Variants in ILDR1 observed in about 807,000 individuals in gnomAD.
ILDR1 encodes the protein immunoglobulin like domain containing receptor 1, also known as immunoglobulin-like domain-containing receptor 1.
A neutral mutation model predicts 62.4 loss-of-function variants in ILDR1; 56 were observed. The observed-to-expected ratio is 0.90, with a 90% confidence interval of 0.72 to 1.12. ILDR1 has a LOEUF of 1.12. Ranked by LOEUF, ILDR1 falls within the 50% of genes most tolerant of loss-of-function variation. The pLI, the probability that ILDR1 is intolerant of heterozygous loss-of-function variation, is 0.00. For synonymous variants in ILDR1, 284 were observed against 277.8 expected (o/e 1.02, Z -0.22); for missense variants, 736 against 710.6 (o/e 1.04, Z -0.41).
chr3:122,005,973 A>G lies in ILDR1; in HGVS notation c.230-580T>C, dbSNP rs147949308. ...CAAAACAGAAAATATAGGGTCTGAG[A>G]GCTGTTAAATCTGCCCCTGGCAAAT... is the stretch of plus-strand genomic sequence containing the variant. On this transcript the variant is annotated intron_variant, in intron 2 of 7. Transcript: ENST00000344209. 9.8e-4 allele frequency among the ~76,000 whole-genome samples: 149 copies of G among 152,238 alleles called. 1 individual carries two copies. Among genetic ancestry groups the G allele is most frequent in the African/African-American group, 3.3e-3 (136 of 41,564 alleles).
At chr3:121,990,810 C>T (rs1315290245) in intron 7 of ILDR1, among the ~76,000 whole-genome samples, 1 of 152,144 alleles carries the variant, frequency 6.6e-6, no homozygotes, top group Non-Finnish European at 1.5e-5. Flanking sequence ...AGAATCAAAG[C>T]GCAATTCAAA....
the ILDR1 span, among the ~76,000 whole-genome samples, chr3:122,049,858 G>A: frequency 3.9e-5 from 6 of 152,188 alleles, no homozygotes; most frequent in Non-Finnish European, 8.8e-5. Flanking sequence ...CTTCCACCAT[G>A]TGAGGACACA....
rs971226712 is a variant in ILDR1 at position 122,001,755 on chromosome 3, G to C, written c.489C>G (p.Leu163=). The change falls in exon 4 of 8, where the codon CTC becomes CTG. Residue 163 remains leucine, a synonymous_variant. Coordinates refer to ENST00000344209, the MANE Select transcript of ILDR1 (RefSeq NM_001199799.2). ...TCCAGTAGCACTTACGTAGGACGATGAGCTTTACTTCCTTATCGGGGTCTC... is the reference window on the plus strand; with the variant it reads ...TCCAGTAGCACTTACGTAGGACGATCAGCTTTACTTCCTTATCGGGGTCTC... ...TSGDPDKEVK[L]IVLHWLTVIF... The C allele has an allele frequency of 2.5e-6, 4 of 1,612,800 alleles. No homozygotes were observed. In the African/African-American group the frequency reaches 5.4e-5, roughly 22 times the overall value.
intron 1 of ILDR1, among the ~76,000 whole-genome samples, chr3:122,012,427 T>C (rs957470627): frequency 9.9e-5 from 15 of 152,234 alleles, no homozygotes; most frequent in African/African-American, 2.2e-4. Flanking sequence ...TCAAAAATGT[T>C]AATTCTAGAA....
chr3:121,995,726 C>G (rs908707732), intron 5 of ILDR1, among the ~76,000 whole-genome samples: 4 of 152,216 alleles, frequency 2.6e-5, no homozygotes, highest in African/African-American at 9.6e-5. Flanking sequence ...CTAGCTCCCT[C>G]TTCTGGCCAC....
At chr3:122,039,244 T>C in the ILDR1 span, among the ~76,000 whole-genome samples, 4 of 152,140 alleles carry the variant, frequency 2.6e-5, no homozygotes, top group South Asian at 8.3e-4. Flanking sequence ...ACCACAGGTC[T>C]AAGAAGCCCA....
At chr3:122,005,415 G>C in intron 2 of ILDR1, 22 bp from the exon 3 acceptor site, 2 of 1,614,076 alleles carry the variant, frequency 1.2e-6, no homozygotes, top group Non-Finnish European at 1.7e-6. Flanking sequence ...GGGCACACTA[G>C]AGTCACACAG....
In ILDR1 at chr3:121,987,355, C is replaced by A. The variant is rs781039803; in HGVS notation, c.*1012G>T. ...GCAGATATTTATTTGGAGCAGCATGCTCAGCTTGGCATGTTTTCTTTCTTC... is the reference window on the plus strand; with the variant it reads ...GCAGATATTTATTTGGAGCAGCATGATCAGCTTGGCATGTTTTCTTTCTTC... On this transcript the variant is annotated 3_prime_UTR_variant, in exon 8 of 8. Coordinates refer to ENST00000344209, the MANE Select transcript of ILDR1 (RefSeq NM_001199799.2). 6.6e-6 allele frequency: 1 copy of A among 152,066 alleles called. No homozygotes were observed. Among genetic ancestry groups the A allele is most frequent in the African/African-American group, 2.4e-5 (1 of 41,384 alleles). The allele number at this position is 152,066 out of a possible 1,614,324, so 9.4% of individuals were successfully genotyped here. A position where few individuals can be genotyped will look rare whatever the true frequency, so the allele number is the denominator to read the frequency against.
rs139810461 is a variant in ILDR1, at chr3:121,993,555, C to T, written c.1194G>A (p.Ser398=). The T allele has an allele frequency of 3.9e-5, 63 of 1,614,112 alleles. No individual in the cohort carries two copies. Among genetic ancestry groups the T allele is most frequent in the East Asian group, 1.3e-4 (6 of 44,892 alleles). The part of the protein sequence containing the change: ...WALERRELDP[S]WSGRHRSSRL... ...TAGAGCTACGGTGCCTTCCACTCCA[C>T]GATGGGTCCAACTCCCTTCTTTCCA... The change falls in exon 7 of 8, where the codon TCG becomes TCA. Residue 398 remains serine, a synonymous_variant. Transcript: ENST00000344209.
rs144533401 is a variant in ILDR1, at chr3:121,993,514, G to C, written c.1235C>G (p.Pro412Arg). ...RHRSSRLNGS[P>R]IHWSDRDSLS... ...GCTGTCCCTGTCTGACCAGTGTATG[G>C]GTGACCCATTCAGCCTAGAGCTACG... is the stretch of plus-strand genomic sequence containing the variant. Residue 412 changes from proline (P) to arginine (R), a missense_variant, in exon 7 of 8, where the codon CCC becomes CGC. Physicochemically the swap from Pro to Arg is moderately radical, Grantham distance 103. Coordinates refer to ENST00000344209, the MANE Select transcript of ILDR1 (RefSeq NM_001199799.2). 4.0e-5 allele frequency: 64 copies of C among 1,614,094 alleles called. No homozygotes were observed. Among genetic ancestry groups the C allele is most frequent in the Non-Finnish European group, 5.4e-5 (64 of 1,180,050 alleles).
the ILDR1 span, among the ~76,000 whole-genome samples, chr3:122,027,510 C>G: frequency 6.6e-6 from 1 of 151,914 alleles, no homozygotes; most frequent in Non-Finnish European, 1.5e-5. Flanking sequence ...TTTTTAAAGA[C>G]CTAAATAAAT....
Position 121,988,088 on chromosome 3 carries a change from T to C in ILDR1, c.*279A>G. ...CCACCACACCTAACTAATTTTTATATTTTTTGTAGAGACGGGGTCTCACTA... is the reference window on the plus strand; with the variant it reads ...CCACCACACCTAACTAATTTTTATACTTTTTGTAGAGACGGGGTCTCACTA... On this transcript the variant is annotated 3_prime_UTR_variant, in exon 8 of 8. Transcript: ENST00000344209. 1 of 464,316 alleles carries C rather than the reference T, an allele frequency of 2.2e-6. No individual in the cohort carries two copies. The highest frequency in any genetic ancestry group is 2.8e-5 in the Admixed American group (1 of 35,566). The allele number at this position is 464,316 out of a possible 1,614,324, so 28.8% of individuals were successfully genotyped here.
intron 5 of ILDR1, 145 bp from the exon 6 acceptor site, chr3:121,994,458 G>T: frequency 2.2e-6 from 2 of 929,816 alleles, no homozygotes; most frequent in Non-Finnish European, 3.0e-6. Context: ...AAGGGTTAAG[G>T]GGGTAGTAAA....
intron 2 of ILDR1, among the ~76,000 whole-genome samples, chr3:122,005,835 G>A (rs539193913): frequency 6.6e-6 from 1 of 152,160 alleles, no homozygotes; most frequent in East Asian, 1.9e-4. Flanking sequence ...GGAGGCAGAG[G>A]TTGCGATGAG....
chr3:122,048,926 A>G, the ILDR1 span, among the ~76,000 whole-genome samples: 1 of 152,020 alleles, frequency 6.6e-6, no homozygotes. Context: ...ATAAGCCACC[A>G]TTACGCTTTA....
chr3:122,024,643 G>T (rs1472973991), upstream of ILDR1, among the ~76,000 whole-genome samples: 3 of 152,156 alleles, frequency 2.0e-5, no homozygotes, highest in Admixed American at 6.5e-5. Flanking sequence ...TGCTTCACAT[G>T]CTTTATTTAA....
Position 122,007,093 on chromosome 3 carries a change from G to A in ILDR1, c.127C>T (p.Leu43Phe). ...RYVTLFASII[L>F]KCDYTTSAQL... ...GCAGAGGTGGTGTAGTCACATTTGAGGATGATAGAGGCAAACAGGGTGACA... is the reference window on the plus strand; with the variant it reads ...GCAGAGGTGGTGTAGTCACATTTGAAGATGATAGAGGCAAACAGGGTGACA... Residue 43 changes from leucine (L) to phenylalanine (F), a missense_variant, in exon 2 of 8, where the codon CTC becomes TTC. Coordinates refer to ENST00000344209, the MANE Select transcript of ILDR1 (RefSeq NM_001199799.2). 1 of 1,614,140 alleles carries A rather than the reference G, an allele frequency of 6.2e-7. No homozygotes were observed. Among genetic ancestry groups the A allele is most frequent in the Non-Finnish European group, 8.5e-7 (1 of 1,180,032 alleles).
chr3:122,039,246 A>C, the ILDR1 span, among the ~76,000 whole-genome samples: 1 of 152,128 alleles, frequency 6.6e-6, no homozygotes, highest in Non-Finnish European at 1.5e-5. Context: ...CACAGGTCTA[A>C]GAAGCCCAGA....
chr3:122,058,215 G>A, the ILDR1 span, among the ~76,000 whole-genome samples: 4 of 152,158 alleles, frequency 2.6e-5, no homozygotes, highest in Non-Finnish European at 5.9e-5. Flanking sequence ...GAACAGAATG[G>A]AGGAAGGTTT....
Sources: allele counts gnomAD v4.1 joint callset (sites outside exome capture counted in the v4.1 genomes callset), GRCh38; gene constraint gnomAD v4.1.1; transcripts MANE v1.5; gene names NCBI Gene and HGNC (gene_info 2026-07-23, HGNC 2026-07-21).